CA5A: variants seen among roughly 807,000 people sequenced by gnomAD.
CA5A encodes the protein carbonic anhydrase 5A, mitochondrial.
CA5A carries 28 observed loss-of-function variants against 37.1 expected under a neutral mutation model. That is an observed-to-expected ratio of 0.75 (90% CI 0.56 to 1.03). The LOEUF is 1.03. Ranked by LOEUF, CA5A falls within the 50% of genes least tolerant of loss-of-function variation. CA5A has a pLI of 0.00. For synonymous variants in CA5A, 171 were observed against 158.4 expected, an observed-to-expected ratio of 1.08 and a Z score of -0.60; for missense variants, 444 against 399.9, an observed-to-expected ratio of 1.11 and a Z score of -0.94.
intron 1 of CA5A, among the ~76,000 whole-genome samples, chr16:87,927,713 C>G (rs1160611401): frequency 6.6e-6 from 1 of 151,830 alleles, no homozygotes; most frequent in Non-Finnish European, 1.5e-5. Context: ...ATATAAAAAT[C>G]AGCTGGGTGT....
At chr16:87,929,752 G>A (rs1597589282) in intron 1 of CA5A, among the ~76,000 whole-genome samples, 1 of 149,352 alleles carries the variant, frequency 6.7e-6, no homozygotes, top group African/African-American at 2.5e-5. Flanking sequence ...GGCGCCTGTA[G>A]TCCCAGCTAC....
At chr16:87,923,595 G>A (rs917707669) in intron 2 of CA5A, 5 of 985,328 alleles carry the variant, frequency 5.1e-6, no homozygotes, top group Non-Finnish European at 6.0e-6. Flanking sequence ...TCTTGGTGAG[G>A]ACATTAGCCG....
rs577067052 is a variant in CA5A, at chr16:87,926,373, C to T, written c.340+375G>A. 9.2e-5 allele frequency among the ~76,000 whole-genome samples: 14 copies of T among 152,328 alleles called. 1 individual carries two copies. In the South Asian group the frequency reaches 2.5e-3, roughly 27 times the overall value. Reference sequence around the variant, plus strand: ...CCTAGATGATCAAGGCCAGCGTGGGCGTCCAGCCACCGCTGCCTTCTGAGT... The same window carrying T: ...CCTAGATGATCAAGGCCAGCGTGGGTGTCCAGCCACCGCTGCCTTCTGAGT... On this transcript the variant is annotated intron_variant, in intron 2 of 6. Coordinates refer to ENST00000649794, the MANE Select transcript of CA5A (RefSeq NM_001739.2).
At chr16:87,890,036 T>C (rs1467387207) in intron 6 of CA5A, among the ~76,000 whole-genome samples, 1 of 152,346 alleles carries the variant, frequency 6.6e-6, no homozygotes, top group Admixed American at 6.5e-5. Context: ...TGCACATTTG[T>C]TGACTGTGCA....
At chr16:87,892,949 T>C (rs74377998) in intron 5 of CA5A, 16,811 of 878,224 alleles carry the variant, frequency 0.019, 224 homozygotes, top group African/African-American at 0.039. Context: ...GCCCGGCCTA[T>C]GGGCTCCTTT....
chr16:87,913,230 C>CG (rs1427142586), intron 2 of CA5A, among the ~76,000 whole-genome samples: 1 of 151,914 alleles, frequency 6.6e-6, no homozygotes. Context: ...CCACCTGCCT[C>CG]GGCCTCCCAA....
intron 5 of CA5A, among the ~76,000 whole-genome samples, chr16:87,899,220 C>G (rs2055843017): frequency 6.7e-6 from 1 of 149,376 alleles, no homozygotes; most frequent in African/African-American, 2.4e-5. Flanking sequence ...GAGAGTTGTT[C>G]AAGTCTCTTC....
intron 2 of CA5A, among the ~76,000 whole-genome samples, chr16:87,912,019 C>T (rs894398105): frequency 1.3e-5 from 2 of 151,984 alleles, no homozygotes; most frequent in African/African-American, 4.8e-5. Context: ...TTACTGTCAT[C>T]GCCCAGGCAC....
intron 2 of CA5A, among the ~76,000 whole-genome samples, chr16:87,913,103 C>T (rs2056076145): frequency 6.6e-6 from 1 of 151,826 alleles, no homozygotes; most frequent in Non-Finnish European, 1.5e-5. Flanking sequence ...GCCTCAGCCT[C>T]CTGTAGCTGG....
intron 2 of CA5A, chr16:87,925,497 C>A (rs537802098): frequency 1.3e-5 from 2 of 152,404 alleles, no homozygotes; most frequent in Non-Finnish European, 2.9e-5. Context: ...CACATAGGCA[C>A]CTGATACCCA....
At chr16:87,893,223 G>T (rs1386274368) in intron 5 of CA5A, 2 of 416,450 alleles carry the variant, frequency 4.8e-6, no homozygotes, top group African/African-American at 4.2e-5. Context: ...TGCTTCCTGG[G>T]TTCCAGCGAT....
At chr16:87,926,378 A>T (rs895857939) in intron 2 of CA5A, among the ~76,000 whole-genome samples, 1 of 152,206 alleles carries the variant, frequency 6.6e-6, no homozygotes, top group Non-Finnish European at 1.5e-5. Flanking sequence ...GTGGGCGTCC[A>T]GCCACCGCTG....
At chr16:87,932,788 C>G (rs1417233260) in intron 1 of CA5A, among the ~76,000 whole-genome samples, 2 of 152,196 alleles carry the variant, frequency 1.3e-5, no homozygotes, top group Admixed American at 1.3e-4. Flanking sequence ...CATTCTCAGT[C>G]TCCAGGTTTG....
At chr16:87,909,286 G>A (rs1414477303) in intron 2 of CA5A, among the ~76,000 whole-genome samples, 1 of 152,134 alleles carries the variant, frequency 6.6e-6, no homozygotes, top group East Asian at 1.9e-4. Context: ...GCTGGCTCGG[G>A]GCATCTGCAC....
chr16:87,925,410 A>G (rs2056291498), intron 2 of CA5A: 1 of 152,266 alleles, frequency 6.6e-6, no homozygotes, highest in Admixed American at 6.5e-5. Flanking sequence ...CAGCCGCAAC[A>G]CTGAACCAGT....
At chr16:87,899,578 C>T (rs1339094899) in intron 5 of CA5A, among the ~76,000 whole-genome samples, 1 of 149,770 alleles carries the variant, frequency 6.7e-6, no homozygotes, top group Non-Finnish European at 1.5e-5. Context: ...GCTAGGATTA[C>T]AGGCGTGAGC....
chr16:87,933,838 G>C (rs1203769577), intron 1 of CA5A, among the ~76,000 whole-genome samples: 1 of 152,180 alleles, frequency 6.6e-6, no homozygotes, highest in Admixed American at 6.5e-5. Context: ...ATAGAAGGAT[G>C]AATTCCTTAT....
intron 2 of CA5A, among the ~76,000 whole-genome samples, chr16:87,909,403 A>G (rs149923238): frequency 0.027 from 4,127 of 152,300 alleles, 70 homozygotes; most frequent in African/African-American, 0.053. Context: ...CTCTGGCTCT[A>G]TGATACGCAA....
intron 5 of CA5A, among the ~76,000 whole-genome samples, chr16:87,897,524 G>T (rs2055822444): frequency 6.6e-6 from 1 of 152,146 alleles, no homozygotes; most frequent in Non-Finnish European, 1.5e-5. Flanking sequence ...CTGGGGGTGG[G>T]GGTGGGGGTC....
Sources: gnomAD v4.1 joint callset for allele counts (sites outside exome capture counted in the v4.1 genomes callset) on GRCh38, gnomAD v4.1.1 for gene constraint, MANE v1.5 for transcripts, NCBI Gene and HGNC (gene_info 2026-07-23, HGNC 2026-07-21) for gene names.